The following KIAA1217 variants were observed in gnomAD, a reference collection of about 807,000 sequenced individuals.
The protein encoded by KIAA1217 is KIAA1217.
KIAA1217 carries 88 observed loss-of-function variants against 163.9 expected under a neutral mutation model. That is an observed-to-expected ratio of 0.54 (90% CI 0.45 to 0.64). The LOEUF (loss-of-function observed/expected upper bound fraction) is 0.64, where lower values mean the gene tolerates loss of function less well. Among genes scored for constraint, KIAA1217 ranks in the 30% least tolerant of loss-of-function variants. The pLI, the probability that KIAA1217 is intolerant of heterozygous loss-of-function variation, is 0.00. For missense variants in KIAA1217, 2,372 were observed against 2,475.0 expected, an observed-to-expected ratio of 0.96 and a Z score of 0.88; for synonymous variants, 903 against 923.1, an observed-to-expected ratio of 0.98 and a Z score of 0.39.
rs1191819657 is a variant in KIAA1217, at chr10:23,875,410, AGGATATC to A, written c.-320-131814_-320-131808del. ...TGACAAGCTTGGCTGGTTGTGTTCC[AGGATATC>A]CAAGAAAAGAGTGGTTGGCCTCTAT... On this transcript the variant is annotated intron_variant, in intron 1 of 18. Coordinates refer to the KIAA1217 transcript ENST00000376462. Among the ~76,000 whole-genome samples the A allele has an allele frequency of 4.6e-5, 7 of 152,144 alleles. No individual in the cohort carries two copies. The East Asian group carries it at 1.4e-3, about 30-fold the overall frequency.
At chr10:24,211,168 A>G (rs1474219006) in intron 1 of KIAA1217, among the ~76,000 whole-genome samples, 1 of 152,124 alleles carries the variant, frequency 6.6e-6, no homozygotes, top group Non-Finnish European at 1.5e-5. Context: ...CTGAAGTGAT[A>G]TTTGAACAAA....
chr10:24,057,615 G>A (rs1003290911), intron 2 of KIAA1217, among the ~76,000 whole-genome samples: 5 of 152,064 alleles, frequency 3.3e-5, no homozygotes, highest in African/African-American at 1.2e-4. Context: ...ATCTCATTGT[G>A]GTTTTGATTG....
intron 2 of KIAA1217, among the ~76,000 whole-genome samples, chr10:24,143,838 A>T (rs1217622878): frequency 6.6e-6 from 1 of 151,974 alleles, no homozygotes; most frequent in Non-Finnish European, 1.5e-5. Context: ...ACAAAAACAA[A>T]AAACCAGTTC....
At chr10:24,027,056 GC>G (rs1554842872) in intron 2 of KIAA1217, among the ~76,000 whole-genome samples, 1 of 151,852 alleles carries the variant, frequency 6.6e-6, no homozygotes, top group Non-Finnish European at 1.5e-5. Flanking sequence ...AATATTTGGG[GC>G]TTTAAAAAAT....
At chr10:23,969,033 T>A (rs1444114935) in intron 1 of KIAA1217, among the ~76,000 whole-genome samples, 1 of 152,154 alleles carries the variant, frequency 6.6e-6, no homozygotes, top group African/African-American at 2.4e-5. Context: ...CTATGTTTTT[T>A]TTGTTTGTTT....
chr10:24,520,648 A>T (rs2071017231), intron 11 of KIAA1217, among the ~76,000 whole-genome samples: 1 of 87,306 alleles, frequency 1.1e-5, no homozygotes, highest in African/African-American at 5.3e-5. Context: ...AAAAAAAAAA[A>T]AAAATATATA....
intron 16 of KIAA1217, among the ~76,000 whole-genome samples, chr10:24,534,289 C>T (rs878987903): frequency 6.6e-6 from 1 of 152,224 alleles, no homozygotes; most frequent in Non-Finnish European, 1.5e-5. Flanking sequence ...TCACACTTCA[C>T]TAAAACTCAC....
At chr10:24,246,159 C>G (rs1425006087) in intron 2 of KIAA1217, among the ~76,000 whole-genome samples, 1 of 152,144 alleles carries the variant, frequency 6.6e-6, no homozygotes, top group Non-Finnish European at 1.5e-5. Context: ...AAGAGCCTCA[C>G]AAAGGCCAAT....
intron 1 of KIAA1217, among the ~76,000 whole-genome samples, chr10:23,934,585 ATATATG>A (rs1421514813): frequency 7.0e-5 from 4 of 57,150 alleles, no homozygotes; most frequent in African/African-American, 5.3e-4. Context: ...ATATATATAT[ATATATG>A]TATATATATA....
chr10:24,439,279 C>T (rs192699948), intron 5 of KIAA1217, among the ~76,000 whole-genome samples: 3 of 152,292 alleles, frequency 2.0e-5, no homozygotes, highest in Admixed American at 2.0e-4. Context: ...CCCCTACACA[C>T]ACACACACAC....
chr10:24,013,303 G>C (rs12264298), intron 2 of KIAA1217, among the ~76,000 whole-genome samples: 52 of 151,838 alleles, frequency 3.4e-4, no homozygotes, highest in African/African-American at 1.2e-3. Flanking sequence ...TTTTGGCCAT[G>C]ATTCAATGTT....
At chr10:24,129,036 AGTAATCCTTTCTCACCT>A (rs1259491895) in intron 2 of KIAA1217, among the ~76,000 whole-genome samples, 1 of 152,186 alleles carries the variant, frequency 6.6e-6, no homozygotes, top group Non-Finnish European at 1.5e-5. Flanking sequence ...TGTATAGGGT[AGTAATCCTTTCTCACCT>A]GAAGTCATAT....
intron 1 of KIAA1217, among the ~76,000 whole-genome samples, chr10:23,943,312 A>G (rs1377291329): frequency 6.6e-6 from 1 of 152,204 alleles, no homozygotes; most frequent in Non-Finnish European, 1.5e-5. Context: ...CTTGGGATTC[A>G]AGAGCAGCAT....
rs117130915 is a variant in KIAA1217, at chr10:23,997,911, A to T, written c.-320-9314A>T. Among the ~76,000 whole-genome samples, 540 of 151,846 alleles carry T rather than the reference A, an allele frequency of 3.6e-3. 6 individuals are homozygous for T. The highest frequency in any genetic ancestry group is 0.03 in the South Asian group (145 of 4,788). On this transcript the variant is annotated intron_variant, in intron 1 of 18. Coordinates refer to the KIAA1217 transcript ENST00000376462. ...CACAGCCATGCCTATACCTGGAGTG[A>T]TTTCTCCAGGGAACATTGACTGGTT...
At chr10:24,367,087 C>CT (rs2050890057) in intron 2 of KIAA1217, 2 of 920,858 alleles carry the variant, frequency 2.2e-6, no homozygotes, top group African/African-American at 3.6e-5. Context: ...CTTTTCTTTC[C>CT]TATTTTTTTC....
chr10:23,736,701 A>AT (rs1838826711), intron 1 of KIAA1217, among the ~76,000 whole-genome samples: 2 of 151,678 alleles, frequency 1.3e-5, no homozygotes, highest in Non-Finnish European at 2.9e-5. Flanking sequence ...TTAAAAAAAA[A>AT]TTTTCGTAGA....
At chr10:24,224,584 T>A (rs1285057797) in intron 2 of KIAA1217, among the ~76,000 whole-genome samples, 2 of 151,968 alleles carry the variant, frequency 1.3e-5, no homozygotes, top group Non-Finnish European at 2.9e-5. Flanking sequence ...CCTCCCAAAG[T>A]GTTGGGATTA....
intron 2 of KIAA1217, among the ~76,000 whole-genome samples, chr10:24,374,285 A>G (rs1361330227): frequency 2.0e-5 from 3 of 152,204 alleles, no homozygotes; most frequent in Non-Finnish European, 2.9e-5. Context: ...GTTAGTGAAT[A>G]TAGATCTATC....
chr10:24,229,097 T>C (rs2071002538), intron 2 of KIAA1217, among the ~76,000 whole-genome samples: 1 of 152,248 alleles, frequency 6.6e-6, no homozygotes, highest in South Asian at 2.1e-4. Context: ...GTCATATTTG[T>C]CTTGGCTCTG....
Sources: allele counts gnomAD v4.1 joint callset (sites outside exome capture counted in the v4.1 genomes callset), GRCh38; gene constraint gnomAD v4.1.1; transcripts MANE v1.5; gene names NCBI Gene and HGNC (gene_info 2026-07-23, HGNC 2026-07-21).